TTLL11: variants seen among roughly 807,000 people sequenced by gnomAD.
The protein encoded by TTLL11 is tubulin polyglutamylase TTLL11.
In TTLL11, 42 loss-of-function variants were observed where a neutral mutation model predicts 51.7. The observed-to-expected ratio is 0.81, with a 90% CI of 0.64 to 1.05. The LOEUF (loss-of-function observed/expected upper bound fraction) is 1.05. Ranked by LOEUF, TTLL11 falls within the 50% of genes least tolerant of loss-of-function variation. The pLI is 0.00. For missense variants in TTLL11, 799 were observed against 940.4 expected (o/e 0.85, Z 1.97); for synonymous variants, 381 against 383.5 (o/e 0.99, Z 0.08).
At chr9:122,019,906 G>A (rs1844116385) in intron 3 of TTLL11, among the ~76,000 whole-genome samples, 1 of 152,154 alleles carries the variant, frequency 6.6e-6, no homozygotes, top group Non-Finnish European at 1.5e-5. Context: ...TTTATAAGGG[G>A]TTTCCCTTTT....
At chr9:121,837,896 G>C (rs1837224745) in intron 8 of TTLL11, among the ~76,000 whole-genome samples, 1 of 152,126 alleles carries the variant, frequency 6.6e-6, no homozygotes, top group Non-Finnish European at 1.5e-5. Context: ...CCTCCCTCCT[G>C]GAGACACGGT....
chr9:121,924,052 T>C (rs529883396), intron 6 of TTLL11, among the ~76,000 whole-genome samples: 10 of 152,184 alleles, frequency 6.6e-5, no homozygotes, highest in Non-Finnish European at 1.5e-4. Context: ...TCCACCATGA[T>C]TGTGAGGCTT....
rs895603007 is a variant in TTLL11 at position 121,995,272 on chromosome 9, G to A, written c.694-5502C>T. On this transcript the variant is annotated intron_variant, in intron 3 of 8. Transcript: ENST00000321582. This position sits in a 1 kb window ranked among gnomAD's most constrained non-coding sequence, Gnocchi z 4.4. The stretch of plus-strand genomic sequence containing the variant: ...CCCCAAACACCCTGTATTTATACTC[G>A]ATCTGCAGGCGAAGGATGGAGTTTC... 5.3e-5 allele frequency among the ~76,000 whole-genome samples: 8 copies of A among 152,172 alleles called. No homozygotes were observed. Among genetic ancestry groups the A allele is most frequent in the Non-Finnish European group, 8.8e-5 (6 of 68,032 alleles).
At chr9:121,975,008 ACT>A in intron 4 of TTLL11, 29 bp from the exon 5 acceptor site, 1 of 1,463,030 alleles carries the variant, frequency 6.8e-7, no homozygotes. Context: ...ATTCAGAATT[ACT>A]GTCTCTATTG....
chr9:121,848,242 T>C (rs1200623830), intron 8 of TTLL11, among the ~76,000 whole-genome samples: 1 of 151,690 alleles, frequency 6.6e-6, no homozygotes, highest in Non-Finnish European at 1.5e-5. Context: ...AGGAATCATA[T>C]ACCATGACCA....
intron 1 of TTLL11, among the ~76,000 whole-genome samples, chr9:122,060,718 G>T (rs769549377): frequency 3.3e-5 from 5 of 152,158 alleles, no homozygotes; most frequent in East Asian, 1.9e-4. Context: ...TCTGTAAAAT[G>T]GGGGGAGAAG....
chr9:122,093,194 C>T lies in TTLL11; in HGVS notation c.-46G>A. ...GTGCCAGTGCCACCGCCGCCGCCGC[C>T]GCCGCTCCGCCGCCCCAGTCCGCCA... On this transcript the variant is annotated 5_prime_UTR_variant, in exon 1 of 9. Transcript: ENST00000321582. The T allele has an allele frequency of 1.3e-6, 2 of 1,488,954 alleles. No individual in the cohort carries two copies. The highest frequency in any genetic ancestry group is 2.3e-5 in the Admixed American group (1 of 43,980). The allele number at this position is 1,488,954 out of a possible 1,614,324, so 92.2% of individuals were successfully genotyped here.
chr9:121,953,090 C>T (rs1841899347), intron 6 of TTLL11, among the ~76,000 whole-genome samples: 1 of 152,102 alleles, frequency 6.6e-6, no homozygotes, highest in South Asian at 2.1e-4. Context: ...TAGCCCCATA[C>T]ATTATTATGC....
At chr9:122,076,335 G>A (rs140591273) in intron 1 of TTLL11, among the ~76,000 whole-genome samples, 7 of 152,230 alleles carry the variant, frequency 4.6e-5, no homozygotes, top group East Asian at 3.9e-4. Flanking sequence ...CATGTGGTCC[G>A]GCCCCCGAGT....
rs1268599083 is a variant in TTLL11, at chr9:122,092,751, C to A, written c.398G>T (p.Ser133Ile). The part of the protein sequence containing the change: ...NGSQRPVTVD[S>I]SKARTSLDAL... ...ATCCAGGGAGGTCCTGGCCTTGGAG[C>A]TGTCCACGGTGACCGGCCGCTGGGA... Residue 133 changes from serine (S) to isoleucine (I), a missense_variant, in exon 1 of 9, where the codon AGC becomes ATC. Around this residue, in one of 3 missense-constraint regions of TTLL11, gnomAD observed 468 missense variants for 612.8 expected, o/e 0.76. Coordinates refer to ENST00000321582, the MANE Select transcript of TTLL11 (RefSeq NM_001139442.2). The A allele has an allele frequency of 1.3e-6, 2 of 1,538,374 alleles. No individual in the cohort carries two copies. Among genetic ancestry groups the A allele is most frequent in the South Asian group, 1.2e-5 (1 of 84,194 alleles).
chr9:121,870,994 G>C (rs1178448503), intron 6 of TTLL11, among the ~76,000 whole-genome samples: 1 of 152,128 alleles, frequency 6.6e-6, no homozygotes. Flanking sequence ...TGGTTTCCCA[G>C]TATGAAAACT....
intron 8 of TTLL11, among the ~76,000 whole-genome samples, chr9:121,836,897 C>T (rs1012462166): frequency 6.6e-6 from 1 of 152,196 alleles, no homozygotes; most frequent in African/African-American, 2.4e-5. Context: ...CTTGCGACCT[C>T]CAATTCCTGT....
chr9:121,910,958 G>A (rs1401243396), intron 6 of TTLL11, among the ~76,000 whole-genome samples: 2 of 152,194 alleles, frequency 1.3e-5, no homozygotes, highest in African/African-American at 4.8e-5. Flanking sequence ...TTTTTTTAAT[G>A]TGGGGGAAAC....
At chr9:122,067,691 C>T (rs1845624521) in intron 1 of TTLL11, among the ~76,000 whole-genome samples, 1 of 152,116 alleles carries the variant, frequency 6.6e-6, no homozygotes, top group Non-Finnish European at 1.5e-5. Context: ...TTAGTAGAGA[C>T]AGGGTTTCAC....
chr9:121,977,936 A>G (rs546998056), intron 4 of TTLL11, among the ~76,000 whole-genome samples: 2 of 152,200 alleles, frequency 1.3e-5, no homozygotes, highest in African/African-American at 4.8e-5. Flanking sequence ...TGTCCTCCCA[A>G]AGTTCTGGGA....
chr9:121,958,735 T>A (rs1321616173), intron 6 of TTLL11, among the ~76,000 whole-genome samples: 1 of 152,222 alleles, frequency 6.6e-6, no homozygotes, highest in Admixed American at 6.5e-5. Context: ...ATGGGAAGAA[T>A]GACTCATTTC....
intron 3 of TTLL11, among the ~76,000 whole-genome samples, chr9:122,004,879 A>T (rs888110833): frequency 6.6e-6 from 1 of 152,258 alleles, no homozygotes; most frequent in African/African-American, 2.4e-5. Flanking sequence ...CCACAAAGAC[A>T]AGAACCACAT....
intron 1 of TTLL11, among the ~76,000 whole-genome samples, chr9:122,041,046 A>T (rs1844833186): frequency 6.6e-6 from 1 of 152,170 alleles, no homozygotes; most frequent in Non-Finnish European, 1.5e-5. Flanking sequence ...GTCAGTGGGC[A>T]ACCCAATGAC....
At chr9:121,937,801 G>GA (rs1301445941) in intron 6 of TTLL11, among the ~76,000 whole-genome samples, 1 of 151,328 alleles carries the variant, frequency 6.6e-6, no homozygotes, top group Non-Finnish European at 1.5e-5. Context: ...ATTTAAGAAA[G>GA]AAAAAAATAA....
Sources: allele counts gnomAD v4.1 joint callset (sites outside exome capture counted in the v4.1 genomes callset), GRCh38; gene constraint gnomAD v4.1.1; regional missense constraint gnomAD v4.1.1; non-coding constraint Gnocchi (gnomAD v3.1); transcripts MANE v1.5; gene names NCBI Gene and HGNC (gene_info 2026-07-23, HGNC 2026-07-21).